IL1RAPL2: variants seen among roughly 807,000 people sequenced by gnomAD.
IL1RAPL2 encodes X-linked interleukin-1 receptor accessory protein-like 2.
Under a neutral mutation model 44.1 loss-of-function variants are expected in IL1RAPL2, and 3 were observed. That is an observed-to-expected ratio of 0.07 (90% CI 0.03 to 0.18). The LOEUF (loss-of-function observed/expected upper bound fraction) is 0.18, where lower values mean the gene tolerates loss of function less well. IL1RAPL2 is among the 10% of genes least tolerant of loss of function. The probability of loss-of-function intolerance (pLI) is 1.00; values close to 1 mark genes in which losing one functional copy is unlikely to be tolerated. For missense variants in IL1RAPL2, 391 were observed against 496.4 expected (o/e 0.79, Z 2.02); for synonymous variants, 181 against 178.8 (o/e 1.01, Z -0.10).
chrX:105,569,029 C>T lies in IL1RAPL2; in HGVS notation c.772+84642C>T, dbSNP rs920732494. ...ATCTCAAGAAAGTAATGTGTATATA[C>T]TTTTTTATAAATAGTAATTTATTGC... On this transcript the variant is annotated intron_variant, in intron 6 of 10. Coordinates refer to ENST00000372582, the MANE Select transcript of IL1RAPL2 (RefSeq NM_017416.2). 2.7e-5 allele frequency among the ~76,000 whole-genome samples: 3 copies of T among 111,236 alleles called. No homozygotes were observed. The South Asian group carries it at 1.1e-3, about 42-fold the overall frequency.
At chrX:105,363,725 C>T (rs1317550841) in intron 5 of IL1RAPL2, among the ~76,000 whole-genome samples, 2 of 110,206 alleles carry the variant, frequency 1.8e-5, no homozygotes, top group East Asian at 5.7e-4. Context: ...TTATATATCT[C>T]TTGGCCATTC....
intron 10 of IL1RAPL2, among the ~76,000 whole-genome samples, chrX:105,761,547 T>C (rs959276749): frequency 5.4e-5 from 6 of 111,995 alleles, no homozygotes; most frequent in Non-Finnish European, 9.4e-5. Context: ...CTTTGATATA[T>C]AGGAAACATA....
chrX:104,945,782 A>G (rs1223905853), intron 2 of IL1RAPL2, among the ~76,000 whole-genome samples: 1 of 112,185 alleles, frequency 8.9e-6, no homozygotes, highest in East Asian at 2.8e-4. Context: ...CAATAAGTAC[A>G]TATTATTAAC....
intron 2 of IL1RAPL2, among the ~76,000 whole-genome samples, chrX:104,713,835 G>A (rs141349577): frequency 2.0e-3 from 226 of 110,632 alleles, no homozygotes; most frequent in African/African-American, 7.0e-3. Context: ...AATGACATAT[G>A]TTCACTTCCC....
intron 2 of IL1RAPL2, among the ~76,000 whole-genome samples, chrX:104,907,876 T>C (rs1236697859): frequency 9.1e-6 from 1 of 109,913 alleles, no homozygotes; most frequent in East Asian, 2.9e-4. Flanking sequence ...TTCTGTCTCG[T>C]TGATCTGTCT....
intron 6 of IL1RAPL2, among the ~76,000 whole-genome samples, chrX:105,531,341 T>G (rs2036634186): frequency 1.8e-5 from 2 of 112,418 alleles, no homozygotes; most frequent in South Asian, 7.3e-4. Flanking sequence ...GTTTTCCATT[T>G]GTATGTCTTC....
chrX:104,849,371 T>TATATATATATATATATATATA (rs1298461170), intron 2 of IL1RAPL2, among the ~76,000 whole-genome samples: 32 of 96,255 alleles, frequency 3.3e-4, no homozygotes, highest in Non-Finnish European at 4.5e-4. Context: ...TATATATGGA[T>TATATATATATATATATATATA]TACTTACGGA....
chrX:105,221,668 A>C (rs1015245151), intron 3 of IL1RAPL2, among the ~76,000 whole-genome samples: 6 of 111,979 alleles, frequency 5.4e-5, no homozygotes, highest in African/African-American at 1.9e-4. Context: ...TATACAGCTT[A>C]TGTTAAGTTT....
chrX:104,839,203 G>C (rs1189187922), intron 2 of IL1RAPL2, among the ~76,000 whole-genome samples: 2 of 110,415 alleles, frequency 1.8e-5, no homozygotes, highest in Non-Finnish European at 3.8e-5. Context: ...TATGATATTG[G>C]CTATGGATTT....
intron 2 of IL1RAPL2, among the ~76,000 whole-genome samples, chrX:105,004,420 G>A (rs1469679210): frequency 9.1e-6 from 1 of 110,371 alleles, no homozygotes; most frequent in Non-Finnish European, 1.9e-5. Flanking sequence ...GCATGAGGTA[G>A]ACTTCTTTTT....
intron 2 of IL1RAPL2, among the ~76,000 whole-genome samples, chrX:104,946,410 C>CAAAAAACTT (rs1925363983): frequency 9.5e-5 from 2 of 20,971 alleles, no homozygotes; most frequent in South Asian, 3.7e-3. Context: ...AAAAAAAAAA[C>CAAAAAACTT]TTTTTAAAAA....
intron 5 of IL1RAPL2, among the ~76,000 whole-genome samples, chrX:105,310,485 A>G (rs896812861): frequency 1.8e-5 from 2 of 111,075 alleles, no homozygotes; most frequent in Non-Finnish European, 3.8e-5. Context: ...TGTCTTTATT[A>G]CTTCCTTTTT....
intron 2 of IL1RAPL2, among the ~76,000 whole-genome samples, chrX:104,994,994 G>T (rs890626990): frequency 9.1e-6 from 1 of 110,464 alleles, no homozygotes; most frequent in Non-Finnish European, 1.9e-5. Flanking sequence ...CTCCAAATAC[G>T]CTACTGCCAA....
intron 5 of IL1RAPL2, among the ~76,000 whole-genome samples, chrX:105,362,784 A>G (rs1245481143): frequency 9.0e-6 from 1 of 111,700 alleles, no homozygotes; most frequent in Admixed American, 9.5e-5. Context: ...TGTAGGGAAT[A>G]ATGTGATATT....
chrX:105,168,682 G>GA (rs1308456359), intron 2 of IL1RAPL2, among the ~76,000 whole-genome samples: 11 of 106,995 alleles, frequency 1.0e-4, no homozygotes, highest in Admixed American at 6.0e-4. Context: ...CTGAAGGCAG[G>GA]AAAAAAAAAG....
At chrX:105,236,831 A>G (rs1343472035) in intron 4 of IL1RAPL2, among the ~76,000 whole-genome samples, 5 of 110,871 alleles carry the variant, frequency 4.5e-5, no homozygotes, top group African/African-American at 1.6e-4. Context: ...TTCTTTTTTT[A>G]TTTATTTTTT....
rs782541473 is a variant in IL1RAPL2, at chrX:105,233,760, CACAA to C, written c.357-52_357-49del. On this transcript the variant is annotated intron_variant, in intron 3 of 10. Coordinates refer to ENST00000372582, the MANE Select transcript of IL1RAPL2 (RefSeq NM_017416.2). The stretch of plus-strand genomic sequence containing the variant: ...GCCAATACTCTTGAAATATATAGAG[CACAA>C]ACAAAGTTGTAAACACCCAATAAAG... 1.5e-5 allele frequency: 15 copies of C among 973,828 alleles called. No individual in the cohort carries two copies. In the African/African-American group the frequency reaches 2.1e-4, roughly 14 times the overall value. 80.3% of individuals were successfully genotyped at this position (973,828 alleles called of 1,213,427 possible).
Position 104,955,479 on chromosome X carries a change from G to GAT in IL1RAPL2, c.83-239981_83-239980dup, listed in dbSNP as rs10669100. ...CACCATTATATATGTTATACTCCCA[G>GAT]ATATATATATATATATTATACTCCC... On this transcript the variant is annotated intron_variant, in intron 2 of 10. Transcript: ENST00000372582. Among the ~76,000 whole-genome samples the GAT allele has an allele frequency of 5.8e-3, 591 of 102,109 alleles. 1 individual carries two copies. Among genetic ancestry groups the GAT allele is most frequent in the African/African-American group, 0.015 (429 of 27,929 alleles). 88.7% of individuals were successfully genotyped at this position (102,109 alleles called of 115,157 possible).
intron 2 of IL1RAPL2, among the ~76,000 whole-genome samples, chrX:104,761,429 G>A (rs1932425653): frequency 9.0e-6 from 1 of 110,538 alleles, no homozygotes; most frequent in Non-Finnish European, 1.9e-5. Context: ...TGACACATGG[G>A]GATTATGGGA....
Sources: gnomAD v4.1 joint callset for allele counts (sites outside exome capture counted in the v4.1 genomes callset) on GRCh38, gnomAD v4.1.1 for gene constraint, MANE v1.5 for transcripts, NCBI Gene and HGNC (gene_info 2026-07-23, HGNC 2026-07-21) for gene names.